STK3: variants seen among roughly 807,000 people sequenced by gnomAD.
STK3 encodes serine/threonine-protein kinase 3.
Under a neutral mutation model 58.0 loss-of-function variants are expected in STK3, and 41 were observed. The observed-to-expected ratio is 0.71, with a 90% CI of 0.55 to 0.92. The LOEUF (loss-of-function observed/expected upper bound fraction) is 0.92. Among genes scored for constraint, STK3 ranks in the 40% least tolerant of loss-of-function variants. The pLI is 0.00. For synonymous variants in STK3, 170 were observed against 191.0 expected (o/e 0.89, Z 0.91); for missense variants, 479 against 602.7 (o/e 0.79, Z 2.15).
At chr8:98,504,062 A>C (rs562961766) in intron 10 of STK3, among the ~76,000 whole-genome samples, 2 of 152,146 alleles carry the variant, frequency 1.3e-5, no homozygotes, top group African/African-American at 4.8e-5. Context: ...TTATGAATCT[A>C]GGTGCCCCTG....
intron 4 of STK3, among the ~76,000 whole-genome samples, chr8:98,715,354 A>AC (rs1563923405): frequency 1.3e-5 from 2 of 152,068 alleles, no homozygotes; most frequent in African/African-American, 4.8e-5. Context: ...CAACCTACAG[A>AC]ATGGGAGAAA....
chr8:98,845,272 T>C (rs549597878), intron 3 of STK3, among the ~76,000 whole-genome samples: 13 of 152,358 alleles, frequency 8.5e-5, no homozygotes, highest in Admixed American at 4.6e-4. Context: ...TTATGTCTTA[T>C]GTGCTTACTT....
intron 3 of STK3, among the ~76,000 whole-genome samples, chr8:98,868,747 T>C (rs754374181): frequency 4.6e-5 from 7 of 151,976 alleles, no homozygotes; most frequent in Non-Finnish European, 8.8e-5. Flanking sequence ...CGCCGGCGGA[T>C]GGCTTGAGCT....
intron 1 of STK3, among the ~76,000 whole-genome samples, chr8:98,933,948 C>A (rs1840100105): frequency 6.6e-6 from 1 of 152,226 alleles, no homozygotes; most frequent in Non-Finnish European, 1.5e-5. Context: ...GTAATTAAGT[C>A]TCTCCACACT....
chr8:98,464,998 T>C (rs189432420), intron 10 of STK3, among the ~76,000 whole-genome samples: 12 of 152,280 alleles, frequency 7.9e-5, no homozygotes, highest in African/African-American at 2.6e-4. Flanking sequence ...TCAGAGCACC[T>C]AGAAGAAACT....
chr8:98,817,280 C>G (rs1834615245), intron 1 of STK3, among the ~76,000 whole-genome samples: 1 of 151,902 alleles, frequency 6.6e-6, no homozygotes, highest in African/African-American at 2.4e-5. Flanking sequence ...ATGGTGAAAC[C>G]CCATCTCTAC....
chr8:98,879,848 T>C (rs559327417), downstream of STK3: 7 of 152,234 alleles, frequency 4.6e-5, no homozygotes, highest in Non-Finnish European at 8.8e-5. Context: ...TTTTATAACA[T>C]GTTATTCAAA....
At chr8:98,868,113 A>G (rs1420405954) in intron 3 of STK3, among the ~76,000 whole-genome samples, 1 of 152,236 alleles carries the variant, frequency 6.6e-6, no homozygotes, top group Non-Finnish European at 1.5e-5. Flanking sequence ...ACGAAAGGGA[A>G]CAAGTGCCAA....
chr8:98,362,501 C>A, the STK3 span, among the ~76,000 whole-genome samples: 3 of 152,106 alleles, frequency 2.0e-5, no homozygotes, highest in Non-Finnish European at 2.9e-5. Context: ...AAATCCACTG[C>A]GCTTTAGAAG....
chr8:98,916,114 T>C (rs1839338685), intron 1 of STK3, among the ~76,000 whole-genome samples: 2 of 152,058 alleles, frequency 1.3e-5, no homozygotes, highest in South Asian at 4.1e-4. Flanking sequence ...AAAACCCCGT[T>C]TAAAAAAATA....
intron 1 of STK3, among the ~76,000 whole-genome samples, chr8:98,792,453 T>A (rs1052072068): frequency 2.0e-5 from 3 of 152,140 alleles, no homozygotes; most frequent in Admixed American, 6.5e-5. Flanking sequence ...TCCCGACACT[T>A]TGGGAGGCCG....
intron 1 of STK3, among the ~76,000 whole-genome samples, chr8:98,443,078 T>G (rs181616198): frequency 6.6e-6 from 1 of 152,098 alleles, no homozygotes; most frequent in Non-Finnish European, 1.5e-5. Flanking sequence ...TTTGTGTGAA[T>G]TAAACGGTCT....
chr8:98,500,017 C>T (rs1823445796), intron 10 of STK3, among the ~76,000 whole-genome samples: 1 of 152,034 alleles, frequency 6.6e-6, no homozygotes, highest in African/African-American at 2.4e-5. Context: ...GAAAATGCTA[C>T]CTCATATGGC....
chr8:98,372,709 C>T (rs2130991064), intron 2 of STK3, among the ~76,000 whole-genome samples: 1 of 152,316 alleles, frequency 6.6e-6, no homozygotes, highest in African/African-American at 2.4e-5. Context: ...GTCTGGGGAA[C>T]AGAGGCTCTG....
chr8:98,795,595 G>A (rs1833106574), intron 1 of STK3, among the ~76,000 whole-genome samples: 3 of 151,934 alleles, frequency 2.0e-5, no homozygotes, highest in South Asian at 2.1e-4. Context: ...AAAGGAGAAG[G>A]CAAACAATAT....
chr8:98,593,691 A>C (rs1815539459), intron 7 of STK3, among the ~76,000 whole-genome samples: 1 of 152,312 alleles, frequency 6.6e-6, no homozygotes, highest in South Asian at 2.1e-4. Flanking sequence ...AGGACAGTTT[A>C]ATCCTGAAAC....
At chr8:98,656,236 C>G (rs1320961373) in intron 6 of STK3, among the ~76,000 whole-genome samples, 4 of 149,768 alleles carry the variant, frequency 2.7e-5, no homozygotes, top group African/African-American at 4.9e-5. Context: ...ATCGCAAGGA[C>G]AAAAAACCAA....
chr8:98,589,909 T>G (rs1175054726), intron 7 of STK3, among the ~76,000 whole-genome samples: 1 of 152,220 alleles, frequency 6.6e-6, no homozygotes, highest in Non-Finnish European at 1.5e-5. Flanking sequence ...GGGAACCCCC[T>G]GACCCCTTGC....
At chr8:98,481,867 G>C (rs963841634) in intron 10 of STK3, among the ~76,000 whole-genome samples, 1 of 152,036 alleles carries the variant, frequency 6.6e-6, no homozygotes, top group African/African-American at 2.4e-5. Flanking sequence ...ATGATGTTTT[G>C]ATAATCAGAC....
Sources: allele counts gnomAD v4.1 joint callset (sites outside exome capture counted in the v4.1 genomes callset), GRCh38; gene constraint gnomAD v4.1.1; transcripts MANE v1.5; gene names NCBI Gene and HGNC (gene_info 2026-07-23, HGNC 2026-07-21).